ADAM12: variants seen among roughly 807,000 people sequenced by gnomAD.
ADAM12 encodes the protein disintegrin and metalloproteinase domain-containing protein 12.
Under a neutral mutation model 106.4 loss-of-function variants are expected in ADAM12, and 70 were observed. The observed-to-expected ratio is 0.66, with a 90% CI of 0.54 to 0.80. The LOEUF (loss-of-function observed/expected upper bound fraction) is 0.80. ADAM12 is among the 30% of genes least tolerant of loss of function. ADAM12 has a pLI of 0.00. For missense variants in ADAM12, 1,010 were observed against 1,171.9 expected, an observed-to-expected ratio of 0.86 and a Z score of 2.02; for synonymous variants, 420 against 433.5, an observed-to-expected ratio of 0.97 and a Z score of 0.39.
At position 126,150,629 on chromosome 10, in the gene ADAM12, A is replaced by G. The variant is rs147685278; in HGVS notation, c.339+4598T>C. 2.0e-5 allele frequency among the ~76,000 whole-genome samples: 3 copies of G among 152,268 alleles called. No homozygotes were observed. In the East Asian group the frequency reaches 5.8e-4, roughly 29 times the overall value. On this transcript the variant is annotated intron_variant, in intron 4 of 22. Transcript: ENST00000448723. Reference sequence around the variant, plus strand: ...TCCCAAGGACTCTTGACTCTGGCCAATTGCTGACCATTCCAAGGCCCAGTT... The same window carrying G: ...TCCCAAGGACTCTTGACTCTGGCCAGTTGCTGACCATTCCAAGGCCCAGTT...
At chr10:126,309,789 A>T (rs184788831) in intron 2 of ADAM12, among the ~76,000 whole-genome samples, 9 of 152,298 alleles carry the variant, frequency 5.9e-5, no homozygotes, top group Admixed American at 2.0e-4. Context: ...GATCTAAGAC[A>T]GTTGTAAATA....
At chr10:126,318,557 T>TGCACAC (rs554151628) in intron 2 of ADAM12, among the ~76,000 whole-genome samples, 176 of 55,984 alleles carry the variant, frequency 3.1e-3, no homozygotes, top group African/African-American at 0.011. Context: ...CAAACTCACA[T>TGCACAC]TCACACTCAC....
intron 11 of ADAM12, among the ~76,000 whole-genome samples, chr10:126,073,880 T>C (rs1358760035): frequency 6.6e-6 from 1 of 152,196 alleles, no homozygotes; most frequent in Non-Finnish European, 1.5e-5. Context: ...CAAACAATGA[T>C]TCACAAGAAA....
At chr10:126,019,596 G>T (rs991218162) in intron 22 of ADAM12, 99 bp downstream of exon 22, 2 of 1,440,302 alleles carry the variant, frequency 1.4e-6, no homozygotes, top group Non-Finnish European at 9.3e-7. Context: ...CAGGAAGCAC[G>T]GCCTAGACCA....
chr10:126,025,956 C>T (rs544904869), intron 21 of ADAM12, among the ~76,000 whole-genome samples: 1 of 152,294 alleles, frequency 6.6e-6, no homozygotes, highest in South Asian at 2.1e-4. Flanking sequence ...AACAGCAGAC[C>T]TCCCAGTGGA....
At chr10:126,163,902 A>T (rs988066010) in intron 3 of ADAM12, among the ~76,000 whole-genome samples, 1 of 152,234 alleles carries the variant, frequency 6.6e-6, no homozygotes, top group African/African-American at 2.4e-5. Context: ...ACGCAACCCA[A>T]TCTGGATAGA....
rs572275221 is a variant in ADAM12, at chr10:126,197,903, G to A, written c.261-42598C>T. Among the ~76,000 whole-genome samples the A allele has an allele frequency of 1.3e-4, 20 of 152,298 alleles. No individual in the cohort carries two copies. In the South Asian group the frequency reaches 4.1e-3, roughly 32 times the overall value. On this transcript the variant is annotated intron_variant, in intron 3 of 22. Transcript: ENST00000448723. ...CCCAGACAGCGGGTGGTACGTGGAA[G>A]GCCTAAGTCTCCACCACGCATGGGG... is the stretch of plus-strand genomic sequence containing the variant.
At chr10:126,168,000 T>C (rs1024349864) in intron 3 of ADAM12, among the ~76,000 whole-genome samples, 1 of 152,246 alleles carries the variant, frequency 6.6e-6, no homozygotes, top group South Asian at 2.1e-4. Context: ...CTTGGTCACA[T>C]GCATGTTGGA....
At chr10:126,226,691 T>C (rs1304666351) in intron 3 of ADAM12, among the ~76,000 whole-genome samples, 2 of 152,198 alleles carry the variant, frequency 1.3e-5, no homozygotes, top group Non-Finnish European at 2.9e-5. Flanking sequence ...TGGCTTGTAG[T>C]AAGTGTTCAG....
chr10:126,230,375 C>T (rs1958286735), intron 3 of ADAM12, among the ~76,000 whole-genome samples: 1 of 152,192 alleles, frequency 6.6e-6, no homozygotes, highest in South Asian at 2.1e-4. Context: ...TATACTTTTG[C>T]ATATGCCTTG....
chr10:126,065,819 C>T (rs889176726), intron 13 of ADAM12, among the ~76,000 whole-genome samples: 5 of 152,180 alleles, frequency 3.3e-5, no homozygotes, highest in African/African-American at 9.7e-5. Context: ...CTTGGGCATC[C>T]CCTGGGCACA....
chr10:126,204,587 A>G (rs1442386209), intron 3 of ADAM12, among the ~76,000 whole-genome samples: 31 of 152,152 alleles, frequency 2.0e-4, no homozygotes, highest in Admixed American at 2.0e-3. Context: ...TCATCCCTCA[A>G]CGTTTAGTCT....
intron 3 of ADAM12, among the ~76,000 whole-genome samples, chr10:126,197,913 TC>T (rs1349657599): frequency 3.9e-5 from 6 of 152,130 alleles, no homozygotes; most frequent in African/African-American, 1.4e-4. Context: ...GGCCTAAGTC[TC>T]CACCACGCAT....
chr10:126,131,758 C>T (rs1296047022), intron 5 of ADAM12, among the ~76,000 whole-genome samples: 1 of 152,178 alleles, frequency 6.6e-6, no homozygotes, highest in Non-Finnish European at 1.5e-5. Flanking sequence ...AAATAAAATT[C>T]TATGGTTTAA....
intron 3 of ADAM12, among the ~76,000 whole-genome samples, chr10:126,208,330 C>T (rs1957834803): frequency 6.6e-6 from 1 of 152,242 alleles, no homozygotes; most frequent in Non-Finnish European, 1.5e-5. Flanking sequence ...CCTACAATGC[C>T]CAGTGCAGCC....
At chr10:126,054,637 G>C (rs1423601039) in intron 14 of ADAM12, among the ~76,000 whole-genome samples, 4 of 152,220 alleles carry the variant, frequency 2.6e-5, no homozygotes, top group African/African-American at 9.7e-5. Context: ...CAAAGGCTTG[G>C]AACTCGGGCT....
intron 3 of ADAM12, among the ~76,000 whole-genome samples, chr10:126,213,893 T>G (rs980001748): frequency 1.3e-5 from 2 of 152,196 alleles, no homozygotes; most frequent in Non-Finnish European, 2.9e-5. Context: ...AAAAGCAAAT[T>G]AAAGCAAGTT....
At chr10:126,270,817 T>G (rs549159148) in intron 3 of ADAM12, among the ~76,000 whole-genome samples, 2 of 152,158 alleles carry the variant, frequency 1.3e-5, no homozygotes, top group Non-Finnish European at 2.9e-5. Context: ...AGGAAGGATA[T>G]GGAATAGGGC....
intron 1 of ADAM12, among the ~76,000 whole-genome samples, chr10:126,378,663 G>A (rs946860394): frequency 6.6e-6 from 1 of 152,054 alleles, no homozygotes; most frequent in African/African-American, 2.4e-5. Flanking sequence ...GAATGGGTGG[G>A]GAGAAAAGGT....
Sources: allele counts gnomAD v4.1 joint callset (sites outside exome capture counted in the v4.1 genomes callset), GRCh38; gene constraint gnomAD v4.1.1; transcripts MANE v1.5; gene names NCBI Gene and HGNC (gene_info 2026-07-23, HGNC 2026-07-21).